The following MGMT variants were observed in gnomAD, a reference collection of about 807,000 sequenced individuals.
MGMT encodes methylated-DNA--protein-cysteine methyltransferase.
In MGMT, 14 loss-of-function variants were observed where a neutral mutation model predicts 15.9. The observed-to-expected ratio is 0.88, with a 90% CI of 0.58 to 1.37. The LOEUF (loss-of-function observed/expected upper bound fraction) is 1.37. Among genes scored for constraint, MGMT ranks in the 40% most tolerant of loss-of-function variants. The probability of loss-of-function intolerance (pLI) is 0.00; values close to 1 mark genes in which losing one functional copy is unlikely to be tolerated. For missense variants in MGMT, 282 were observed against 268.1 expected (o/e 1.05, Z -0.36); for synonymous variants, 130 against 118.2 (o/e 1.10, Z -0.65).
rs148977167 is a variant in MGMT at position 129,470,302 on chromosome 10, C to T, written c.-13+3006C>T. Among the ~76,000 whole-genome samples, 925 of 152,186 alleles carry T rather than the reference C, an allele frequency of 6.1e-3. 11 individuals carry two copies. Among genetic ancestry groups the T allele is most frequent in the African/African-American group, 0.021 (878 of 41,518 alleles). On this transcript the variant is annotated intron_variant, in intron 1 of 4. Coordinates refer to ENST00000651593, the MANE Select transcript of MGMT (RefSeq NM_002412.5). ...GAAGTTGGAGACCTTGTGTTGTGGACCAAATGTTGCAAGATGTGTGTTCTG... is the reference window on the plus strand; with the variant it reads ...GAAGTTGGAGACCTTGTGTTGTGGATCAAATGTTGCAAGATGTGTGTTCTG...
intron 3 of MGMT, among the ~76,000 whole-genome samples, chr10:129,736,575 T>C (rs559375022): frequency 8.0e-4 from 121 of 151,486 alleles, no homozygotes; most frequent in South Asian, 7.4e-3. Flanking sequence ...AAAGTTAATA[T>C]TGTTATGTGT....
At chr10:129,704,535 G>A (rs188387891) in intron 2 of MGMT, among the ~76,000 whole-genome samples, 6 of 152,224 alleles carry the variant, frequency 3.9e-5, no homozygotes, top group African/African-American at 9.6e-5. Flanking sequence ...CTGTCTGGCC[G>A]CAGTGTCCAC....
chr10:129,490,486 A>G (rs1276052578), intron 1 of MGMT, among the ~76,000 whole-genome samples: 4 of 92,184 alleles, frequency 4.3e-5, no homozygotes, highest in African/African-American at 1.7e-4. Context: ...TTTTAAGGTT[A>G]TTTATTCTTT....
intron 2 of MGMT, among the ~76,000 whole-genome samples, chr10:129,616,580 T>C (rs1847030461): frequency 6.6e-6 from 1 of 152,148 alleles, no homozygotes; most frequent in African/African-American, 2.4e-5. Context: ...CCTGTCCTCC[T>C]CCATGCTCTC....
intron 1 of MGMT, among the ~76,000 whole-genome samples, chr10:129,495,668 A>G (rs1028246996): frequency 1.3e-5 from 2 of 152,242 alleles, no homozygotes; most frequent in African/African-American, 2.4e-5. Context: ...ACAAAGGCAG[A>G]GAAACGATTG....
rs78705966 is a variant in MGMT, at chr10:129,530,859, C to T, written c.-12-5382C>T. Among the ~76,000 whole-genome samples the T allele has an allele frequency of 4.0e-3, 612 of 152,264 alleles. 7 individuals are homozygous for T. The highest frequency in any genetic ancestry group is 0.014 in the African/African-American group (592 of 41,558). On this transcript the variant is annotated intron_variant, in intron 1 of 4. Coordinates refer to ENST00000651593, the MANE Select transcript of MGMT (RefSeq NM_002412.5). Reference sequence around the variant, plus strand: ...GCCTGCGTGGCTCCTCGCCCGGGGGCCCCTCCCCATAGTTCAGTTCTCTGT... The same window carrying T: ...GCCTGCGTGGCTCCTCGCCCGGGGGTCCCTCCCCATAGTTCAGTTCTCTGT...
chr10:129,564,809 C>G (rs1207558597), intron 2 of MGMT, among the ~76,000 whole-genome samples: 1 of 151,632 alleles, frequency 6.6e-6, no homozygotes, highest in East Asian at 2.0e-4. Flanking sequence ...TTTCTGGGGA[C>G]TGGCTCTTCT....
intron 2 of MGMT, among the ~76,000 whole-genome samples, chr10:129,670,844 T>C (rs762105686): frequency 6.6e-6 from 1 of 152,250 alleles, no homozygotes; most frequent in Non-Finnish European, 1.5e-5. Context: ...TACATGTCAG[T>C]ACTCATTGAA....
intron 1 of MGMT, among the ~76,000 whole-genome samples, chr10:129,512,004 G>T (rs1052755816): frequency 3.9e-5 from 6 of 152,228 alleles, no homozygotes; most frequent in African/African-American, 1.4e-4. Context: ...AAGCCGCCTA[G>T]CTCAGGGCTC....
intron 1 of MGMT, among the ~76,000 whole-genome samples, chr10:129,512,242 T>A (rs1845691959): frequency 6.6e-6 from 1 of 152,222 alleles, no homozygotes; most frequent in South Asian, 2.1e-4. Flanking sequence ...GCGGACTGCC[T>A]GTAGTACTGC....
intron 1 of MGMT, among the ~76,000 whole-genome samples, chr10:129,475,435 G>C (rs761765743): frequency 1.6e-4 from 24 of 152,150 alleles, no homozygotes; most frequent in Non-Finnish European, 2.4e-4. Context: ...GTCTTATAAG[G>C]CCTTTAACGC....
At chr10:129,558,534 G>A (rs142360386) in intron 2 of MGMT, among the ~76,000 whole-genome samples, 1 of 152,238 alleles carries the variant, frequency 6.6e-6, no homozygotes, top group Non-Finnish European at 1.5e-5. Context: ...TTTGCCTGGT[G>A]GGGAGGTGTG....
intron 2 of MGMT, among the ~76,000 whole-genome samples, chr10:129,590,506 CTG>C (rs1437675745): frequency 6.6e-6 from 1 of 152,110 alleles, no homozygotes. Context: ...CAAAATAAAA[CTG>C]TTTCTGTTTT....
chr10:129,644,487 G>A (rs1263778957), intron 2 of MGMT, among the ~76,000 whole-genome samples: 1 of 152,188 alleles, frequency 6.6e-6, no homozygotes, highest in Admixed American at 6.5e-5. Context: ...GGGGACAGGG[G>A]TGAGAGGACT....
chr10:129,497,796 GGACTGAGGGAGCT>G, intron 1 of MGMT, among the ~76,000 whole-genome samples: 1 of 152,174 alleles, frequency 6.6e-6, no homozygotes, highest in Non-Finnish European at 1.5e-5. Context: ...CTATAAAAGA[GGACTGAGGGAGCT>G]CACTGTCCTC....
chr10:129,609,340 A>G (rs1054335113), intron 2 of MGMT, among the ~76,000 whole-genome samples: 2 of 150,756 alleles, frequency 1.3e-5, no homozygotes, highest in Non-Finnish European at 2.9e-5. Context: ...CTCTGGCCCC[A>G]TCCGGATGAT....
At chr10:129,667,620 T>A (rs959001424) in intron 2 of MGMT, among the ~76,000 whole-genome samples, 6 of 152,202 alleles carry the variant, frequency 3.9e-5, no homozygotes, top group African/African-American at 1.4e-4. Flanking sequence ...CAGGCACGCA[T>A]TTCTGCTGGG....
At chr10:129,731,240 C>T (rs548328270) in intron 3 of MGMT, among the ~76,000 whole-genome samples, 1 of 150,504 alleles carries the variant, frequency 6.6e-6, no homozygotes, top group Non-Finnish European at 1.5e-5. Flanking sequence ...TTAAATTAAC[C>T]CTTCAGACCC....
intron 2 of MGMT, among the ~76,000 whole-genome samples, chr10:129,657,455 C>T (rs991086588): frequency 1.3e-5 from 2 of 151,766 alleles, no homozygotes; most frequent in African/African-American, 2.4e-5. Context: ...CCCTGAGGCG[C>T]CCCTTGTCTT....
Sources: allele counts gnomAD v4.1 joint callset (sites outside exome capture counted in the v4.1 genomes callset), GRCh38; gene constraint gnomAD v4.1.1; transcripts MANE v1.5; gene names NCBI Gene and HGNC (gene_info 2026-07-23, HGNC 2026-07-21).